The following FHOD3 variants were observed in gnomAD, a reference collection of about 807,000 sequenced individuals.
The protein encoded by FHOD3 is formin homology 2 domain containing 3.
A neutral mutation model predicts 173.0 loss-of-function variants in FHOD3; 90 were observed. The ratio of observed to expected loss-of-function variants is 0.52; its 90% confidence interval spans 0.44 to 0.62. The LOEUF (loss-of-function observed/expected upper bound fraction) is 0.62, where lower values mean the gene tolerates loss of function less well. FHOD3 is among the 20% of genes least tolerant of loss of function. The probability of loss-of-function intolerance (pLI) is 0.00; values close to 1 mark genes in which losing one functional copy is unlikely to be tolerated. For synonymous variants in FHOD3, 828 were observed against 823.0 expected, an observed-to-expected ratio of 1.01 and a Z score of -0.10; for missense variants, 1,945 against 2,034.7, an observed-to-expected ratio of 0.96 and a Z score of 0.85.
intron 17 of FHOD3, among the ~76,000 whole-genome samples, chr18:36,697,051 G>C (rs993315426): frequency 9.9e-5 from 15 of 152,160 alleles, no homozygotes; most frequent in Non-Finnish European, 1.9e-4. Flanking sequence ...GTTCTTATTA[G>C]GATAGAGTTC....
At chr18:36,331,439 G>C (rs2045005834) in intron 1 of FHOD3, among the ~76,000 whole-genome samples, 1 of 152,234 alleles carries the variant, frequency 6.6e-6, no homozygotes, top group Non-Finnish European at 1.5e-5. Flanking sequence ...GTAACTGTAG[G>C]GCTTCTGTGG....
At chr18:36,687,529 A>C (rs1161121791) in intron 16 of FHOD3, among the ~76,000 whole-genome samples, 124 of 152,150 alleles carry the variant, frequency 8.1e-4, no homozygotes, top group Non-Finnish European at 2.9e-5. Flanking sequence ...CCTTCAAGAA[A>C]TATTTTAGTA....
At chr18:36,386,480 G>A (rs1015892563) in intron 3 of FHOD3, among the ~76,000 whole-genome samples, 8 of 152,346 alleles carry the variant, frequency 5.3e-5, no homozygotes, top group African/African-American at 1.7e-4. Context: ...TTCCGTGCCC[G>A]TTAGAGACAC....
intron 3 of FHOD3, among the ~76,000 whole-genome samples, chr18:36,427,433 T>C (rs79773640): frequency 2.6e-5 from 4 of 152,220 alleles, no homozygotes; most frequent in African/African-American, 9.6e-5. Context: ...CTGAATGCTG[T>C]GTGTTTTCAT....
At chr18:36,427,958 C>T (rs552862823) in intron 3 of FHOD3, among the ~76,000 whole-genome samples, 9 of 152,240 alleles carry the variant, frequency 5.9e-5, no homozygotes, top group African/African-American at 2.2e-4. Context: ...AGGTTTTGAA[C>T]AAGGCATGTT....
At chr18:36,750,798 G>C (rs1053442476) in intron 24 of FHOD3, among the ~76,000 whole-genome samples, 1 of 152,176 alleles carries the variant, frequency 6.6e-6, no homozygotes, top group Non-Finnish European at 1.5e-5. Context: ...GGTCATAGGT[G>C]TGTGACCTTA....
chr18:36,414,890 C>T (rs1268871686), intron 3 of FHOD3, among the ~76,000 whole-genome samples: 1 of 152,170 alleles, frequency 6.6e-6, no homozygotes, highest in East Asian at 1.9e-4. Context: ...TCCTGCAGGG[C>T]TGTCTGACTT....
intron 17 of FHOD3, among the ~76,000 whole-genome samples, chr18:36,700,951 T>G (rs1398606916): frequency 6.6e-6 from 1 of 152,234 alleles, no homozygotes; most frequent in East Asian, 1.9e-4. Context: ...ATCCCTCTCT[T>G]GTGTTTCCCT....
intron 5 of FHOD3, among the ~76,000 whole-genome samples, chr18:36,520,852 A>G (rs1451452020): frequency 6.6e-6 from 1 of 152,144 alleles, no homozygotes; most frequent in Non-Finnish European, 1.5e-5. Context: ...TTCATCAGGA[A>G]TTTTTCCACT....
chr18:36,463,601 C>G (rs555031777), intron 3 of FHOD3, among the ~76,000 whole-genome samples: 8 of 146,968 alleles, frequency 5.4e-5, no homozygotes, highest in Non-Finnish European at 9.1e-5. Context: ...CTGCCTCAAG[C>G]AATCATCCCA....
At chr18:36,768,056 T>C (rs554661243) in intron 27 of FHOD3, among the ~76,000 whole-genome samples, 51 of 152,350 alleles carry the variant, frequency 3.3e-4, no homozygotes, top group African/African-American at 1.1e-3. Context: ...TGTTGTACTT[T>C]AGTCAGGCTG....
chr18:36,577,905 C>G (rs954096700), intron 6 of FHOD3, among the ~76,000 whole-genome samples: 1 of 152,154 alleles, frequency 6.6e-6, no homozygotes, highest in African/African-American at 2.4e-5. Context: ...GTGTTAGGGA[C>G]CTGACTGCAG....
At chr18:36,712,165 A>G (rs1436839128) in intron 18 of FHOD3, among the ~76,000 whole-genome samples, 2 of 152,224 alleles carry the variant, frequency 1.3e-5, no homozygotes, top group Non-Finnish European at 2.9e-5. Context: ...AATAGATTAG[A>G]TAGGAGCCAA....
At chr18:36,630,374 T>C (rs2034426108) in intron 10 of FHOD3, among the ~76,000 whole-genome samples, 1 of 117,286 alleles carries the variant, frequency 8.5e-6, no homozygotes, top group South Asian at 2.2e-4. Context: ...AGTAGAGTCT[T>C]TTTTTTGATT....
At chr18:36,622,114 A>C (rs1333272027) in intron 9 of FHOD3, among the ~76,000 whole-genome samples, 1 of 152,212 alleles carries the variant, frequency 6.6e-6, no homozygotes, top group Admixed American at 6.5e-5. Flanking sequence ...ATTTTCACTT[A>C]TATGAGGTAT....
intron 7 of FHOD3, among the ~76,000 whole-genome samples, chr18:36,601,912 C>G (rs2031438401): frequency 6.6e-6 from 1 of 152,184 alleles, no homozygotes; most frequent in South Asian, 2.1e-4. Context: ...CTCCTAGATC[C>G]TGGAAATAAC....
chr18:36,352,136 G>C (rs575423438), intron 1 of FHOD3, among the ~76,000 whole-genome samples: 2 of 152,002 alleles, frequency 1.3e-5, no homozygotes, highest in Non-Finnish European at 2.9e-5. Flanking sequence ...AATTGGCTAG[G>C]CACAATGGTT....
intron 5 of FHOD3, 26 bp downstream of exon 5, chr18:36,512,569 G>A (rs761488893): frequency 1.3e-6 from 2 of 1,496,854 alleles, no homozygotes; most frequent in Admixed American, 1.7e-5. Flanking sequence ...GCATGCAGCA[G>A]CTGCCCCAGC....
At chr18:36,733,838 TGAA>T (rs1472492379) in intron 20 of FHOD3, among the ~76,000 whole-genome samples, 1 of 152,042 alleles carries the variant, frequency 6.6e-6, no homozygotes, top group East Asian at 1.9e-4. Context: ...CTCCCCAACG[TGAA>T]GAAGAATGGG....
Sources: gnomAD v4.1 joint callset for allele counts (sites outside exome capture counted in the v4.1 genomes callset) on GRCh38, gnomAD v4.1.1 for gene constraint, MANE v1.5 for transcripts, NCBI Gene and HGNC (gene_info 2026-07-23, HGNC 2026-07-21) for gene names.